PCDHGA7: variants seen among roughly 807,000 people sequenced by gnomAD.
PCDHGA7 encodes protocadherin gamma subfamily A, 7.
PCDHGA7 carries 44 observed loss-of-function variants against 58.3 expected under a neutral mutation model. The ratio of observed to expected loss-of-function variants is 0.75; its 90% CI spans 0.59 to 0.97. PCDHGA7 has a LOEUF of 0.97. PCDHGA7 is among the 50% of genes least tolerant of loss of function. The pLI, the probability that PCDHGA7 is intolerant of heterozygous loss-of-function variation, is 0.00. For synonymous variants in PCDHGA7, 516 were observed against 504.2 expected, an observed-to-expected ratio of 1.02 and a Z score of -0.31; for missense variants, 1,266 against 1,188.7, an observed-to-expected ratio of 1.06 and a Z score of -0.96.
At chr5:141,419,717 G>A (rs1159633605) in intron 1 of PCDHGA7, 3 of 1,613,236 alleles carry the variant, frequency 1.9e-6, no homozygotes, top group Non-Finnish European at 2.5e-6. Flanking sequence ...CTTCAGCCTG[G>A]GGCTGCGAAC....
intron 1 of PCDHGA7, chr5:141,410,849 CTTTT>C (rs759346998): frequency 4.9e-3 from 673 of 137,520 alleles, no homozygotes; most frequent in South Asian, 8.7e-3. Flanking sequence ...TTGTCTTTGT[CTTTT>C]TTTTTTTTTT....
chr5:141,457,058 T>C (rs756862311), intron 1 of PCDHGA7, among the ~76,000 whole-genome samples: 1 of 152,230 alleles, frequency 6.6e-6, no homozygotes, highest in South Asian at 2.1e-4. Flanking sequence ...TCATGCTTCC[T>C]TTTTGCCAGT....
Position 141,512,147 on chromosome 5 carries a change from GGCTGA to G in PCDHGA7, c.*978_*982del, listed in dbSNP as rs1406468661. The G allele has an allele frequency of 1.3e-5, 2 of 152,652 alleles. No homozygotes were observed. Among genetic ancestry groups the G allele is most frequent in the Admixed American group, 6.5e-5 (1 of 15,286 alleles). The allele number at this position is 152,652 out of a possible 1,614,324, so 9.5% of individuals were successfully genotyped here. A position where few individuals can be genotyped will look rare whatever the true frequency, so the allele number is the denominator to read the frequency against. On this transcript the variant is annotated 3_prime_UTR_variant, in exon 4 of 4. Coordinates refer to ENST00000518325, the MANE Select transcript of PCDHGA7 (RefSeq NM_018920.4). ...GGCTCAGCCCAGGCAGCCAGCTTTG[GGCTGA>G]GCTAACAGGACCAATGGATTAAACT... is the stretch of plus-strand genomic sequence containing the variant.
At chr5:141,445,895 A>C (rs930350527) in intron 1 of PCDHGA7, among the ~76,000 whole-genome samples, 1 of 152,212 alleles carries the variant, frequency 6.6e-6, no homozygotes, top group Admixed American at 6.5e-5. Context: ...GGAGCTATTA[A>C]AATATTTTAA....
At chr5:141,408,677 G>A (rs2095149334) in intron 1 of PCDHGA7, 1 of 1,613,898 alleles carries the variant, frequency 6.2e-7, no homozygotes. Flanking sequence ...CCCTGCCACG[G>A]ATCCTGATAT....
At chr5:141,435,884 C>G (rs1020738994) in intron 1 of PCDHGA7, among the ~76,000 whole-genome samples, 9 of 152,070 alleles carry the variant, frequency 5.9e-5, no homozygotes, top group African/African-American at 1.9e-4. Flanking sequence ...ATTGGAAACC[C>G]CTTAGAGAAT....
intron 1 of PCDHGA7, chr5:141,427,247 T>C (rs1409945260): frequency 2.2e-6 from 1 of 456,582 alleles, no homozygotes; most frequent in Non-Finnish European, 4.4e-6. Context: ...AAGCTAAGGA[T>C]GGTGGAGGCA....
intron 1 of PCDHGA7, among the ~76,000 whole-genome samples, chr5:141,437,505 A>G (rs1429147239): frequency 6.6e-6 from 1 of 152,204 alleles, no homozygotes; most frequent in Non-Finnish European, 1.5e-5. Context: ...TTTTCAATGA[A>G]TTATAAGGCT....
At chr5:141,436,738 G>T (rs1207400781) in intron 1 of PCDHGA7, among the ~76,000 whole-genome samples, 2 of 152,306 alleles carry the variant, frequency 1.3e-5, no homozygotes, top group South Asian at 2.1e-4. Context: ...AATGATTTTT[G>T]TGTGCTTCTC....
intron 2 of PCDHGA7, among the ~76,000 whole-genome samples, chr5:141,500,136 A>G (rs966215589): frequency 6.6e-6 from 1 of 151,606 alleles, no homozygotes; most frequent in African/African-American, 2.4e-5. Flanking sequence ...ATATCTTTCT[A>G]AACTTTTCTT....
At chr5:141,429,599 A>G (rs2097227286) in intron 1 of PCDHGA7, among the ~76,000 whole-genome samples, 1 of 152,238 alleles carries the variant, frequency 6.6e-6, no homozygotes, top group Non-Finnish European at 1.5e-5. Flanking sequence ...TAATTCAAGT[A>G]AACTCAATTT....
intron 1 of PCDHGA7, chr5:141,404,337 C>A (rs766940096): frequency 6.2e-6 from 10 of 1,613,902 alleles, no homozygotes; most frequent in Middle Eastern, 3.3e-4. Flanking sequence ...GTCTACCTCC[C>A]GGAAAACAAC....
At chr5:141,398,844 C>A in intron 1 of PCDHGA7, 1 of 1,613,966 alleles carries the variant, frequency 6.2e-7, no homozygotes, top group Non-Finnish European at 8.5e-7. Context: ...ATGATAATCC[C>A]CCGGTATTCA....
chr5:141,422,117 C>A, intron 1 of PCDHGA7: 1 of 1,604,272 alleles, frequency 6.2e-7, no homozygotes, highest in East Asian at 2.2e-5. Context: ...CAATTGGATT[C>A]ACAAACTGGA....
chr5:141,412,041 T>G (rs2095531468), intron 1 of PCDHGA7: 1 of 152,108 alleles, frequency 6.6e-6, no homozygotes, highest in Non-Finnish European at 1.5e-5. Context: ...GTGAAAGAAG[T>G]GAACTTCTAT....
chr5:141,419,853 C>A lies in PCDHGA7; in HGVS notation c.2424+34530C>A, dbSNP rs1327953878. The A allele has an allele frequency of 1.9e-6, 3 of 1,614,072 alleles. No homozygotes were observed. In the Admixed American group the frequency reaches 5.0e-5, roughly 27 times the overall value. The stretch of plus-strand genomic sequence containing the variant: ...ACTGCCACGCTGCACCTGGTGTTCG[C>A]AGATAGCTTGCAAGAGGTACTGCCG... On this transcript the variant is annotated intron_variant, in intron 1 of 3. Transcript: ENST00000518325.
At chr5:141,392,877 A>G in intron 1 of PCDHGA7, 2 of 1,613,506 alleles carry the variant, frequency 1.2e-6, no homozygotes, top group Non-Finnish European at 1.7e-6. Context: ...GCTGCTGGGA[A>G]CGCTGTGGGA....
chr5:141,398,448 G>A lies in PCDHGA7; in HGVS notation c.2424+13125G>A, dbSNP rs1213915296. On this transcript the variant is annotated intron_variant, in intron 1 of 3. Coordinates refer to ENST00000518325, the MANE Select transcript of PCDHGA7 (RefSeq NM_018920.4). ...AGCCAGCTTGTGCTCTGGAATTTGAGGCTGTTGCTGAAAATCCACTGAACT... is the reference window on the plus strand; with the variant it reads ...AGCCAGCTTGTGCTCTGGAATTTGAAGCTGTTGCTGAAAATCCACTGAACT... 2.5e-6 allele frequency: 4 copies of A among 1,574,288 alleles called. No individual in the cohort carries two copies. In the Middle Eastern group the frequency reaches 5.2e-4, roughly 203 times the overall value.
chr5:141,431,416 C>G lies in PCDHGA7; in HGVS notation c.2424+46093C>G, dbSNP rs778722151. 3 of 1,613,596 alleles carry G rather than the reference C, an allele frequency of 1.9e-6. No homozygotes were observed. The highest frequency in any genetic ancestry group is 2.7e-5 in the African/African-American group (2 of 74,954). On this transcript the variant is annotated intron_variant, in intron 1 of 3. Coordinates refer to ENST00000518325, the MANE Select transcript of PCDHGA7 (RefSeq NM_018920.4). The surrounding 1 kb of genome is among the most constrained non-coding windows in gnomAD (Gnocchi z 4.8). ...TCCTTACGGCCTCCGACGGGGGCGA[C>G]CCGGTGCGCACAGGCACCGCGCGCA...
Sources: gnomAD v4.1 joint callset for allele counts (sites outside exome capture counted in the v4.1 genomes callset) on GRCh38, gnomAD v4.1.1 for gene constraint, Gnocchi (gnomAD v3.1) non-coding constraint, MANE v1.5 for transcripts, NCBI Gene and HGNC (gene_info 2026-07-23, HGNC 2026-07-21) for gene names.